KCNH7: variants seen among roughly 807,000 people sequenced by gnomAD.
KCNH7 encodes the protein potassium voltage-gated channel subfamily H member 7.
A neutral mutation model predicts 120.8 loss-of-function variants in KCNH7; 49 were observed. That is an observed-to-expected ratio of 0.41 (90% CI 0.32 to 0.51). KCNH7 has a LOEUF of 0.51. Ranked by LOEUF, KCNH7 falls within the 20% of genes least tolerant of loss-of-function variation. The probability of loss-of-function intolerance (pLI) is 0.38; values close to 1 mark genes in which losing one functional copy is unlikely to be tolerated. For synonymous variants in KCNH7, 547 were observed against 516.1 expected, an observed-to-expected ratio of 1.06 and a Z score of -0.81; for missense variants, 1,097 against 1,446.6, an observed-to-expected ratio of 0.76 and a Z score of 3.92.
At position 162,379,102 on chromosome 2, in the gene KCNH7, G is replaced by T. The variant is rs1413256663; in HGVS notation, c.3131+751C>A. On this transcript the variant is annotated intron_variant, in intron 14 of 15. Transcript: ENST00000332142. ...ATTGATTTAATAAATCTTGTGATTA[G>T]AGCATTTTAATTTAGTCAGTGCAGT... 2.0e-5 allele frequency among the ~76,000 whole-genome samples: 3 copies of T among 152,140 alleles called. No homozygotes were observed. In the East Asian group the frequency reaches 5.8e-4, roughly 29 times the overall value.
intron 2 of KCNH7, among the ~76,000 whole-genome samples, chr2:162,679,146 T>C (rs940609619): frequency 1.3e-5 from 2 of 151,608 alleles, no homozygotes; most frequent in Non-Finnish European, 3.0e-5. Context: ...AAATTGATTA[T>C]AAGTCCCTGA....
At chr2:162,820,392 A>G (rs1685077657) in intron 2 of KCNH7, among the ~76,000 whole-genome samples, 1 of 152,006 alleles carries the variant, frequency 6.6e-6, no homozygotes, top group Admixed American at 6.6e-5. Flanking sequence ...ATAAACTTTC[A>G]CTGAACAAAT....
In KCNH7 at chr2:162,836,627, C is replaced by T. The variant is rs776841666; in HGVS notation, c.217G>A (p.Glu73Lys). ...PCTCDFLHGP[E>K]TKRHDIAQIA... ...TGGGCAATATCATGCCTCTTGGTCT[C>T]GGGTCCATGGAGAAAGTCGCAGGTG... The change falls in exon 2 of 16, where the codon GAG becomes AAG. Residue 73 changes from glutamate to lysine, a missense_variant. Glu to Lys is a moderately conservative substitution (Grantham distance 56). Around this residue, in one of 8 missense-constraint regions of KCNH7, gnomAD observed 57 missense variants for 116.2 expected, o/e 0.49. Transcript: ENST00000332142. 6.8e-6 allele frequency: 11 copies of T among 1,614,014 alleles called. No individual in the cohort carries two copies. Among genetic ancestry groups the T allele is most frequent in the African/African-American group, 2.7e-5 (2 of 74,906 alleles).
intron 2 of KCNH7, among the ~76,000 whole-genome samples, chr2:162,768,116 C>T (rs1353187562): frequency 1.3e-5 from 2 of 152,078 alleles, no homozygotes; most frequent in Admixed American, 6.6e-5. Context: ...GTATCTACAA[C>T]AAAATATGTC....
intron 2 of KCNH7, among the ~76,000 whole-genome samples, chr2:162,558,503 CTTTTTTTTTT>C (rs71410015): frequency 1.2e-5 from 1 of 80,696 alleles, no homozygotes; most frequent in Non-Finnish European, 2.4e-5. Context: ...TTCTCAATGG[CTTTTTTTTTT>C]TTTTTTTTTT....
At chr2:162,495,219 G>C (rs1213047793) in intron 6 of KCNH7, among the ~76,000 whole-genome samples, 1 of 152,150 alleles carries the variant, frequency 6.6e-6, no homozygotes, top group Non-Finnish European at 1.5e-5. Flanking sequence ...TTCCCTTTAA[G>C]GAATCAAGCA....
In KCNH7 at chr2:162,696,838, T is replaced by C. The variant is rs76085123; in HGVS notation, c.307+139699A>G. On this transcript the variant is annotated intron_variant, in intron 2 of 15. Transcript: ENST00000332142. Reference sequence around the variant, plus strand: ...ATTTGAGCTTCAATGAGAATAATAATTGCACTGATTGAAACCTTCCAAATA... The same window carrying C: ...ATTTGAGCTTCAATGAGAATAATAACTGCACTGATTGAAACCTTCCAAATA... Among the ~76,000 whole-genome samples the C allele has an allele frequency of 5.1e-3, 770 of 152,232 alleles. 10 individuals carry two copies. Among genetic ancestry groups the C allele is most frequent in the African/African-American group, 0.017 (688 of 41,560 alleles).
chr2:162,666,464 T>C (rs372881055), intron 2 of KCNH7, among the ~76,000 whole-genome samples: 1 of 151,906 alleles, frequency 6.6e-6, no homozygotes, highest in Non-Finnish European at 1.5e-5. Context: ...AACTCATCTA[T>C]GATTTTCTTC....
chr2:162,697,191 C>A (rs940857359), intron 2 of KCNH7, among the ~76,000 whole-genome samples: 1 of 152,062 alleles, frequency 6.6e-6, no homozygotes, highest in Admixed American at 6.6e-5. Context: ...AAAGAATACA[C>A]CACCACCCAT....
intron 13 of KCNH7, 106 bp from the exon 14 acceptor site, chr2:162,380,127 A>G (rs748327227): frequency 6.3e-5 from 84 of 1,335,556 alleles, no homozygotes; most frequent in South Asian, 2.4e-4. Flanking sequence ...GTATAACCTG[A>G]GAGACAGAGA....
intron 2 of KCNH7, among the ~76,000 whole-genome samples, chr2:162,634,345 A>T (rs1431629146): frequency 6.6e-6 from 1 of 152,048 alleles, no homozygotes; most frequent in African/African-American, 2.4e-5. Flanking sequence ...TCCTGGTAGA[A>T]GGGCATGCCG....
At chr2:162,827,417 A>G (rs1335214017) in intron 2 of KCNH7, among the ~76,000 whole-genome samples, 2 of 152,122 alleles carry the variant, frequency 1.3e-5, no homozygotes, top group Non-Finnish European at 1.5e-5. Flanking sequence ...GTCATACAAT[A>G]TATAGTCCAA....
At chr2:162,375,380 A>C (rs1049850014) in intron 14 of KCNH7, among the ~76,000 whole-genome samples, 3 of 152,218 alleles carry the variant, frequency 2.0e-5, no homozygotes, top group Non-Finnish European at 4.4e-5. Context: ...TGAGAAATAA[A>C]ATCTCTTTAT....
intron 6 of KCNH7, among the ~76,000 whole-genome samples, chr2:162,483,042 A>G (rs1689981033): frequency 6.6e-6 from 1 of 152,146 alleles, no homozygotes; most frequent in East Asian, 1.9e-4. Context: ...GACCCCTATT[A>G]ATAAGGAATT....
At chr2:162,764,484 T>C (rs1221117140) in intron 2 of KCNH7, among the ~76,000 whole-genome samples, 1 of 152,192 alleles carries the variant, frequency 6.6e-6, no homozygotes, top group Non-Finnish European at 1.5e-5. Context: ...TAGCAAGTTG[T>C]TCTAGGTCAT....
chr2:162,519,110 T>C (rs1380427207), intron 3 of KCNH7, among the ~76,000 whole-genome samples: 1 of 151,768 alleles, frequency 6.6e-6, no homozygotes, highest in Non-Finnish European at 1.5e-5. Flanking sequence ...CTGGGGAGCA[T>C]TCTGACATTT....
intron 2 of KCNH7, among the ~76,000 whole-genome samples, chr2:162,556,405 T>C (rs1692857116): frequency 6.6e-6 from 1 of 152,198 alleles, no homozygotes; most frequent in South Asian, 2.1e-4. Context: ...TATTGAACAC[T>C]AGCTGAGATG....
At chr2:162,756,857 G>A (rs760597798) in intron 2 of KCNH7, among the ~76,000 whole-genome samples, 47 of 152,216 alleles carry the variant, frequency 3.1e-4, no homozygotes, top group Admixed American at 7.2e-4. Context: ...AGTGAGATTC[G>A]CTTTTAGATG....
At chr2:162,770,017 C>T (rs1175215719) in intron 2 of KCNH7, among the ~76,000 whole-genome samples, 1 of 151,952 alleles carries the variant, frequency 6.6e-6, no homozygotes, top group Non-Finnish European at 1.5e-5. Context: ...ACCATTTGTC[C>T]AACTAGGAGC....
Sources: gnomAD v4.1 joint callset for allele counts (sites outside exome capture counted in the v4.1 genomes callset) on GRCh38, gnomAD v4.1.1 for gene constraint, gnomAD v4.1.1 regional missense constraint, MANE v1.5 for transcripts, NCBI Gene and HGNC (gene_info 2026-07-23, HGNC 2026-07-21) for gene names.